Variants in ATG16L1 observed in about 807,000 individuals in gnomAD.
ATG16L1 encodes autophagy related 16 like 1.
In ATG16L1, 37 loss-of-function variants were observed where a neutral mutation model predicts 88.5. That is an observed-to-expected ratio of 0.42 (90% CI 0.32 to 0.55). The LOEUF is 0.55. Among genes scored for constraint, ATG16L1 ranks in the 20% least tolerant of loss-of-function variants. The pLI, the probability that ATG16L1 is intolerant of heterozygous loss-of-function variation, is 0.13. For synonymous variants in ATG16L1, 301 were observed against 281.0 expected (o/e 1.07, Z -0.71); for missense variants, 554 against 752.8 (o/e 0.74, Z 3.09).
At chr2:233,278,424 G>A (rs1019962883) in intron 10 of ATG16L1, among the ~76,000 whole-genome samples, 3 of 152,176 alleles carry the variant, frequency 2.0e-5, no homozygotes, top group South Asian at 2.1e-4. Context: ...CTGTAGCTGC[G>A]ACACACACAT....
At chr2:233,272,848 A>G (rs1390174786) in intron 6 of ATG16L1, 118 bp from the exon 7 acceptor site, 7 of 826,356 alleles carry the variant, frequency 8.5e-6, no homozygotes, top group Non-Finnish European at 1.0e-5. Context: ...TCTTTAACGC[A>G]TTGCTGTCAT....
chr2:233,274,040 A>G, intron 8 of ATG16L1: 1 of 1,550,362 alleles, frequency 6.5e-7, no homozygotes, highest in African/African-American at 1.4e-5. Context: ...TGATGCTGCC[A>G]GGTGAAACTA....
chr2:233,273,983 C>T, intron 8 of ATG16L1: 1 of 1,551,454 alleles, frequency 6.4e-7, no homozygotes, highest in Non-Finnish European at 8.7e-7. Context: ...TCTGGCCTTT[C>T]CCTTTAGTCT....
intron 12 of ATG16L1, among the ~76,000 whole-genome samples, chr2:233,288,344 T>C (rs1699220807): frequency 6.6e-6 from 1 of 152,208 alleles, no homozygotes; most frequent in Non-Finnish European, 1.5e-5. Context: ...TGCAGTGGCA[T>C]GATCTGGGCT....
intron 12 of ATG16L1, among the ~76,000 whole-genome samples, chr2:233,285,123 T>C (rs1328019091): frequency 6.6e-6 from 1 of 152,212 alleles, no homozygotes; most frequent in East Asian, 1.9e-4. Context: ...ACTGTACACA[T>C]GGAAAAGATG....
intron 3 of ATG16L1, 82 bp downstream of exon 3, chr2:233,263,317 C>A: frequency 7.9e-7 from 1 of 1,262,324 alleles, no homozygotes; most frequent in Non-Finnish European, 1.1e-6. Context: ...TCACTTCTCA[C>A]CAGAATTGGC....
intron 10 of ATG16L1, among the ~76,000 whole-genome samples, chr2:233,279,118 C>G (rs1201588543): frequency 1.3e-5 from 2 of 152,198 alleles, no homozygotes; most frequent in South Asian, 2.1e-4. Flanking sequence ...TGAGAGGCTG[C>G]TGTGAGCTCT....
intron 12 of ATG16L1, among the ~76,000 whole-genome samples, chr2:233,288,202 A>C (rs923927086): frequency 1.3e-5 from 2 of 152,140 alleles, no homozygotes; most frequent in Admixed American, 1.3e-4. Flanking sequence ...TGTGGTCCGA[A>C]GTTTTCGCTT....
At chr2:233,293,037 A>G (rs554712357) in intron 16 of ATG16L1, among the ~76,000 whole-genome samples, 4 of 152,352 alleles carry the variant, frequency 2.6e-5, no homozygotes, top group African/African-American at 9.6e-5. Context: ...AGCCCCAAGA[A>G]GCAATGTGAT....
In ATG16L1 at chr2:233,264,883, T is replaced by C. The variant is rs745572772; in HGVS notation, c.390-9T>C. On this transcript the variant is annotated splice_polypyrimidine_tract_variant and intron_variant, in intron 4 of 17. Coordinates refer to ENST00000392017, the MANE Select transcript of ATG16L1 (RefSeq NM_030803.7). Reference sequence around the variant, plus strand: ...AGGTACTATTCGTCCTCTGATGTCATGCTTCCAGAATTGCAGAATGTTTGC... The same window carrying C: ...AGGTACTATTCGTCCTCTGATGTCACGCTTCCAGAATTGCAGAATGTTTGC... 6.2e-7 allele frequency: 1 copy of C among 1,613,640 alleles called. No homozygotes were observed. The highest frequency in any genetic ancestry group is 8.5e-7 in the Non-Finnish European group (1 of 1,179,848).
Position 233,277,587 on chromosome 2 carries a change from T to G in ATG16L1, c.974T>G (p.Val325Gly). 6.2e-7 allele frequency: 1 copy of G among 1,614,066 alleles called. No homozygotes were observed. The highest frequency in any genetic ancestry group is 8.5e-7 in the Non-Finnish European group (1 of 1,179,944). The change falls in exon 10 of 18, where the codon GTC becomes GGC. Residue 325 changes from valine (V) to glycine (G), a missense_variant. This residue lies in a region of ATG16L1 where 370 missense variants were observed against 509.7 expected (regional missense o/e 0.73). Transcript: ENST00000392017. ...LCVFDAHDGE[V>G]NAVQFSPGSR... ...TTGCAGGATGCACATGATGGGGAAG[T>G]CAACGCTGTGCAGTTCAGTCCAGGT...
chr2:233,268,914 G>T (rs1697789567), intron 5 of ATG16L1, among the ~76,000 whole-genome samples: 1 of 152,160 alleles, frequency 6.6e-6, no homozygotes, highest in Non-Finnish European at 1.5e-5. Context: ...CAGAATTCTT[G>T]ATTGCAGCTC....
intron 12 of ATG16L1, among the ~76,000 whole-genome samples, chr2:233,283,650 A>G (rs1698872366): frequency 6.6e-6 from 1 of 151,814 alleles, no homozygotes; most frequent in Non-Finnish European, 1.5e-5. Context: ...TTCTGGGTTC[A>G]AGCAATTCTC....
At chr2:233,270,695 A>G (rs770216597) in intron 6 of ATG16L1, among the ~76,000 whole-genome samples, 7 of 152,208 alleles carry the variant, frequency 4.6e-5, no homozygotes, top group Non-Finnish European at 7.3e-5. Context: ...TGGAAACTTA[A>G]GCGAAAACTA....
chr2:233,274,952 G>C (rs1698247606), intron 9 of ATG16L1, among the ~76,000 whole-genome samples, 174 bp downstream of exon 9: 1 of 152,198 alleles, frequency 6.6e-6, no homozygotes, highest in Non-Finnish European at 1.5e-5. Context: ...CTTAGTTTCA[G>C]AGGACAAAAT....
rs983553528 is a variant in ATG16L1, at chr2:233,252,061, C to T, written c.115+119C>T. The T allele has an allele frequency of 4.0e-5, 31 of 784,188 alleles. No homozygotes were observed. The African/African-American group carries it at 5.2e-4, about 13-fold the overall frequency. 48.6% of individuals were successfully genotyped at this position (784,188 alleles called of 1,614,324 possible). A position where few individuals can be genotyped will look rare whatever the true frequency, so the allele number is the denominator to read the frequency against. ...CCGCCCGCACGCATGGCGGCCGCCC[C>T]GGGTAACCCGCGCTTGGGACGCCGC... On this transcript the variant is annotated intron_variant, in intron 1 of 17. Coordinates refer to ENST00000392017, the MANE Select transcript of ATG16L1 (RefSeq NM_030803.7).
intron 6 of ATG16L1, among the ~76,000 whole-genome samples, 193 bp downstream of exon 6, chr2:233,270,260 A>G (rs1015436715): frequency 2.0e-5 from 3 of 152,180 alleles, no homozygotes; most frequent in Non-Finnish European, 4.4e-5. Context: ...GATTTTAGAA[A>G]GAAAAATGTT....
chr2:233,281,053 T>C (rs1465467517), intron 10 of ATG16L1, 52 bp from the exon 11 acceptor site: 2 of 1,227,820 alleles, frequency 1.6e-6, no homozygotes, highest in Non-Finnish European at 2.3e-6. Flanking sequence ...TTTTAATGTA[T>C]TTATTGGCTT....
chr2:233,277,180 T>G (rs72976324), intron 9 of ATG16L1: 10,410 of 160,114 alleles, frequency 0.065, 423 homozygotes, highest in South Asian at 0.14. Context: ...ATTAGTAAAT[T>G]AGTAATTACT....
Sources: gnomAD v4.1 joint callset for allele counts (sites outside exome capture counted in the v4.1 genomes callset) on GRCh38, gnomAD v4.1.1 for gene constraint, gnomAD v4.1.1 regional missense constraint, MANE v1.5 for transcripts, NCBI Gene and HGNC (gene_info 2026-07-23, HGNC 2026-07-21) for gene names.